The following RRAS2 variants were observed in gnomAD, a reference collection of about 807,000 sequenced individuals.
The protein encoded by RRAS2 is ras-related protein R-Ras2.
Under a neutral mutation model 27.6 loss-of-function variants are expected in RRAS2, and 7 were observed. The observed-to-expected ratio is 0.25, with a 90% CI of 0.14 to 0.48. The LOEUF is 0.48. RRAS2 is among the 20% of genes least tolerant of loss of function. The pLI is 0.99. For synonymous variants in RRAS2, 86 were observed against 90.9 expected (o/e 0.95, Z 0.31); for missense variants, 178 against 256.2 (o/e 0.69, Z 2.08).
At chr11:14,354,927 T>C (rs1472076484) in intron 1 of RRAS2, among the ~76,000 whole-genome samples, 4 of 152,094 alleles carry the variant, frequency 2.6e-5, no homozygotes, top group East Asian at 1.9e-4. Flanking sequence ...TCCACCCACC[T>C]TGGCCTCCCA....
intron 1 of RRAS2, among the ~76,000 whole-genome samples, chr11:14,355,617 T>C (rs1554955331): frequency 1.3e-5 from 2 of 152,210 alleles, no homozygotes; most frequent in South Asian, 4.1e-4. Context: ...AACAACTAAA[T>C]CTAAGTCAAA....
At chr11:14,329,951 T>C (rs1393548094) in intron 1 of RRAS2, among the ~76,000 whole-genome samples, 1 of 152,026 alleles carries the variant, frequency 6.6e-6, no homozygotes, top group Non-Finnish European at 1.5e-5. Context: ...GACACATGCT[T>C]GTAGTCCTAG....
intron 1 of RRAS2, among the ~76,000 whole-genome samples, chr11:14,328,870 G>T (rs182544225): frequency 2.6e-5 from 4 of 151,892 alleles, no homozygotes; most frequent in Non-Finnish European, 5.9e-5. Flanking sequence ...CTCCATGTTG[G>T]TCAGGCTGGT....
At chr11:14,338,831 T>TC (rs1487076475) in intron 1 of RRAS2, among the ~76,000 whole-genome samples, 1 of 152,136 alleles carries the variant, frequency 6.6e-6, no homozygotes, top group African/African-American at 2.4e-5. Flanking sequence ...ATTTTTTTTT[T>TC]CCACCACAAT....
chr11:14,349,522 TCA>T (rs1554954509), intron 1 of RRAS2, among the ~76,000 whole-genome samples: 2 of 152,088 alleles, frequency 1.3e-5, no homozygotes, highest in African/African-American at 4.8e-5. Flanking sequence ...CAATCAAACA[TCA>T]GAGTTCATTT....
At chr11:14,280,395 A>G (rs574940471) in intron 5 of RRAS2, among the ~76,000 whole-genome samples, 1 of 152,262 alleles carries the variant, frequency 6.6e-6, no homozygotes, top group South Asian at 2.1e-4. Flanking sequence ...GCTAATAAGT[A>G]GAAGATCATC....
At chr11:14,314,113 A>G (rs186660090) in intron 1 of RRAS2, among the ~76,000 whole-genome samples, 1 of 152,360 alleles carries the variant, frequency 6.6e-6, no homozygotes, top group Admixed American at 6.5e-5. Context: ...GTGAAACTAG[A>G]CATGTATTTT....
chr11:14,352,843 T>C (rs1016858199), intron 1 of RRAS2, among the ~76,000 whole-genome samples: 11 of 151,162 alleles, frequency 7.3e-5, no homozygotes, highest in African/African-American at 2.7e-4. Flanking sequence ...TTGCCCAGGC[T>C]GGAGTGCAGT....
Position 14,358,968 on chromosome 11 carries a change from G to T in RRAS2, c.-98C>A. On this transcript the variant is annotated 5_prime_UTR_variant, in exon 1 of 6. Coordinates refer to ENST00000256196, the MANE Select transcript of RRAS2 (RefSeq NM_012250.6). The surrounding 1 kb of genome is among the most constrained non-coding windows in gnomAD (Gnocchi z 5.1). ...CGTGTGCGGCCGGCGGGCTGCGGGCGAGCGGCCGGGCTGGGGTCCCGGGTA... is the reference window on the plus strand; with the variant it reads ...CGTGTGCGGCCGGCGGGCTGCGGGCTAGCGGCCGGGCTGGGGTCCCGGGTA... 8.7e-7 allele frequency: 1 copy of T among 1,155,734 alleles called. No homozygotes were observed. Among genetic ancestry groups the T allele is most frequent in the South Asian group, 4.1e-5 (1 of 24,422 alleles). 71.6% of individuals were successfully genotyped at this position (1,155,734 alleles called of 1,614,324 possible). A position where few individuals can be genotyped will look rare whatever the true frequency, so the allele number is the denominator to read the frequency against.
chr11:14,314,008 T>C (rs541530552), intron 1 of RRAS2, among the ~76,000 whole-genome samples: 1 of 152,298 alleles, frequency 6.6e-6, no homozygotes, highest in African/African-American at 2.4e-5. Context: ...AAACAACACA[T>C]CTTCATTGTA....
At chr11:14,315,065 A>G (rs1341261355) in intron 1 of RRAS2, among the ~76,000 whole-genome samples, 1 of 152,242 alleles carries the variant, frequency 6.6e-6, no homozygotes, top group African/African-American at 2.4e-5. Context: ...AACTCCAGGT[A>G]AATTTTTAAA....
chr11:14,292,057 C>A (rs1554945857), intron 4 of RRAS2, among the ~76,000 whole-genome samples: 1 of 152,118 alleles, frequency 6.6e-6, no homozygotes, highest in Non-Finnish European at 1.5e-5. Context: ...CACATGACAT[C>A]AGGTGTGAAA....
intron 1 of RRAS2, among the ~76,000 whole-genome samples, chr11:14,349,106 T>C (rs1363817725): frequency 5.3e-5 from 8 of 151,820 alleles, no homozygotes; most frequent in African/African-American, 1.7e-4. Flanking sequence ...GCTGGGACTA[T>C]AGGCACCCGC....
intron 1 of RRAS2, among the ~76,000 whole-genome samples, chr11:14,353,087 C>T (rs1441471818): frequency 2.0e-5 from 3 of 152,140 alleles, no homozygotes; most frequent in African/African-American, 7.2e-5. Context: ...GCATGAGCCA[C>T]CGTGCCCAGC....
chr11:14,325,647 A>G (rs1848338137), intron 1 of RRAS2, among the ~76,000 whole-genome samples: 3 of 152,196 alleles, frequency 2.0e-5, no homozygotes, highest in Admixed American at 1.3e-4. Context: ...GTAGATTAAC[A>G]ATTAGAATTG....
rs77583111 is a variant in RRAS2, at chr11:14,337,547, G to A, written c.108+21216C>T. ...AGAATATAGAACAAAAAGATATTTTGAGAAAGACCGCATTCAGATAACTTC... is the reference window on the plus strand; with the variant it reads ...AGAATATAGAACAAAAAGATATTTTAAGAAAGACCGCATTCAGATAACTTC... On this transcript the variant is annotated intron_variant, in intron 1 of 5. Coordinates refer to ENST00000256196, the MANE Select transcript of RRAS2 (RefSeq NM_012250.6). Among the ~76,000 whole-genome samples, 1,501 of 152,238 alleles carry A rather than the reference G, an allele frequency of 9.9e-3. 23 individuals are homozygous for A. The highest frequency in any genetic ancestry group is 0.035 in the African/African-American group (1,437 of 41,534).
In RRAS2 at chr11:14,281,657, C is replaced by T. The variant is rs1316363049; in HGVS notation, c.472G>A (p.Ala158Thr). ...TGATCTACATTCATCCTAATCTTTG[C>T]TGATGCCTCCATGTATGTTACCTTA... ...QLKVTYMEAS[A>T]KIRMNVDQAF... Residue 158 changes from alanine (A) to threonine (T), a missense_variant, in exon 5 of 6, where the codon GCA (alanine) becomes ACA (threonine). Coordinates refer to ENST00000256196, the MANE Select transcript of RRAS2 (RefSeq NM_012250.6). 1 of 1,597,606 alleles carries T rather than the reference C, an allele frequency of 6.3e-7. No homozygotes were observed. The highest frequency in any genetic ancestry group is 1.2e-5 in the South Asian group (1 of 86,680).
rs991495720 is a variant in RRAS2 at position 14,358,384 on chromosome 11, G to T, written c.108+379C>A. 5.2e-5 allele frequency: 51 copies of T among 985,310 alleles called. 1 individual carries two copies. Among genetic ancestry groups the T allele is most frequent in the Admixed American group, 6.2e-5 (1 of 16,260 alleles). The allele number at this position is 985,310 out of a possible 1,614,324, so 61.0% of individuals were successfully genotyped here. On this transcript the variant is annotated intron_variant, in intron 1 of 5. Coordinates refer to ENST00000256196, the MANE Select transcript of RRAS2 (RefSeq NM_012250.6). This position sits in a 1 kb window ranked among gnomAD's most constrained non-coding sequence, Gnocchi z 5.1. The stretch of plus-strand genomic sequence containing the variant: ...CCGCAGGCGGCTGGAAAAGCAGCGC[G>T]CGGGGCTCCAGCTCCAGCCCCACGC...
chr11:14,349,898 C>T (rs1848915205), intron 1 of RRAS2, among the ~76,000 whole-genome samples: 2 of 152,104 alleles, frequency 1.3e-5, no homozygotes, highest in South Asian at 4.1e-4. Context: ...TATTTGTCAT[C>T]AGTTGATTTG....
Sources: gnomAD v4.1 joint callset for allele counts (sites outside exome capture counted in the v4.1 genomes callset) on GRCh38, gnomAD v4.1.1 for gene constraint, Gnocchi (gnomAD v3.1) non-coding constraint, MANE v1.5 for transcripts, NCBI Gene and HGNC (gene_info 2026-07-23, HGNC 2026-07-21) for gene names.